TTC9: variants seen among roughly 807,000 people sequenced by gnomAD.
TTC9 encodes the protein tetratricopeptide repeat domain 9.
Under a neutral mutation model 22.9 loss-of-function variants are expected in TTC9, and 13 were observed. The observed-to-expected ratio is 0.57, with a 90% CI of 0.37 to 0.90. The LOEUF is 0.90. Among genes scored for constraint, TTC9 ranks in the 40% least tolerant of loss-of-function variants. The pLI is 0.01. For synonymous variants in TTC9, 148 were observed against 133.2 expected (o/e 1.11, Z -0.77); for missense variants, 280 against 291.8 (o/e 0.96, Z 0.29).
intron 1 of TTC9, among the ~76,000 whole-genome samples, chr14:70,655,107 A>C (rs775452069): frequency 2.0e-5 from 3 of 152,188 alleles, no homozygotes; most frequent in African/African-American, 4.8e-5. Flanking sequence ...AATTACAAAG[A>C]AGCAGCCCAG....
chr14:70,657,874 G>A (rs1176509481), intron 1 of TTC9, among the ~76,000 whole-genome samples: 2 of 152,206 alleles, frequency 1.3e-5, no homozygotes, highest in African/African-American at 2.4e-5. Flanking sequence ...GCTGAGGCAG[G>A]AGAATTGCTT....
intron 1 of TTC9, among the ~76,000 whole-genome samples, chr14:70,667,089 A>G (rs531559454): frequency 6.6e-6 from 1 of 152,296 alleles, no homozygotes; most frequent in Non-Finnish European, 1.5e-5. Context: ...AGCCTCAGGC[A>G]TTCCTTGGCT....
At chr14:70,664,774 T>C (rs143053443) in intron 1 of TTC9, among the ~76,000 whole-genome samples, 6 of 148,978 alleles carry the variant, frequency 4.0e-5, no homozygotes, top group Non-Finnish European at 8.9e-5. Context: ...CAACTTCTTA[T>C]CCAGATTCTA....
intron 1 of TTC9, among the ~76,000 whole-genome samples, chr14:70,649,679 C>T (rs1402589266): frequency 6.6e-6 from 1 of 152,196 alleles, no homozygotes; most frequent in African/African-American, 2.4e-5. Flanking sequence ...TTTAATCCAT[C>T]AATATTCTAC....
chr14:70,642,056 A>AC lies in TTC9; in HGVS notation c.-71dup. The AC allele has an allele frequency of 1.0e-6, 1 of 981,652 alleles. No individual in the cohort carries two copies. Among genetic ancestry groups the AC allele is most frequent in the African/African-American group, 1.8e-5 (1 of 55,466 alleles). The allele number at this position is 981,652 out of a possible 1,614,324, so 60.8% of individuals were successfully genotyped here. A position where few individuals can be genotyped will look rare whatever the true frequency, so the allele number is the denominator to read the frequency against. ...CGGGGCCGGCGCCCGCGGCTTTTAA[A>AC]CCCGGGAAGGCGCGGCGGCGGCGGC... is the stretch of plus-strand genomic sequence containing the variant. On this transcript the variant is annotated 5_prime_UTR_variant, in exon 1 of 3. Transcript: ENST00000256367.
chr14:70,652,407 T>C (rs1885998194), intron 1 of TTC9, among the ~76,000 whole-genome samples: 1 of 152,186 alleles, frequency 6.6e-6, no homozygotes, highest in Non-Finnish European at 1.5e-5. Flanking sequence ...TTGAAGCCTA[T>C]GTAAAATATT....
At chr14:70,666,110 G>A (rs1480345855) in intron 1 of TTC9, among the ~76,000 whole-genome samples, 2 of 151,996 alleles carry the variant, frequency 1.3e-5, no homozygotes, top group African/African-American at 2.4e-5. Context: ...TGGAGGCGAG[G>A]TGGCTCAGCA....
At chr14:70,645,033 A>G (rs1166193903) in intron 1 of TTC9, among the ~76,000 whole-genome samples, 1 of 151,760 alleles carries the variant, frequency 6.6e-6, no homozygotes, top group Non-Finnish European at 1.5e-5. Context: ...AATGGCATAA[A>G]CCCGGGAGGC....
intron 1 of TTC9, among the ~76,000 whole-genome samples, chr14:70,651,996 C>G (rs912295501): frequency 1.3e-5 from 2 of 151,940 alleles, no homozygotes; most frequent in African/African-American, 4.8e-5. Context: ...ACAGTTGGGA[C>G]CAGGGTTTTA....
chr14:70,642,169 C>G lies in TTC9; in HGVS notation c.40C>G (p.Pro14Ala). 3 of 1,197,980 alleles carry G rather than the reference C, an allele frequency of 2.5e-6. No individual in the cohort carries two copies. Among genetic ancestry groups the G allele is most frequent in the Non-Finnish European group, 3.1e-6 (3 of 960,176 alleles). The allele number at this position is 1,197,980 out of a possible 1,614,324, so 74.2% of individuals were successfully genotyped here. ...CTCGGCGGCCGGGGCCAAGGGGAAC[C>G]CGAGCCCGCCCGCGGCCGGAGAGGG... Reference protein sequence around the residue: ...KGSAAGAKGNPSPPAAGEGQR... With the variant: ...KGSAAGAKGNASPPAAGEGQR... The change falls in exon 1 of 3, where the codon CCG (proline) becomes GCG (alanine). Residue 14 changes from proline to alanine, a missense_variant. Transcript: ENST00000256367.
chr14:70,646,982 A>T (rs1885909839), intron 1 of TTC9, among the ~76,000 whole-genome samples: 1 of 152,196 alleles, frequency 6.6e-6, no homozygotes, highest in African/African-American at 2.4e-5. Context: ...GTCGCTAAAG[A>T]TCCTGAAAGA....
chr14:70,662,432 A>T (rs796214574), intron 1 of TTC9, among the ~76,000 whole-genome samples: 2,527 of 144,662 alleles, frequency 0.017, 32 homozygotes, highest in South Asian at 0.041. Context: ...AAAAAAAAAA[A>T]ATCCACACAG....
chr14:70,663,956 C>G lies in TTC9; in HGVS notation c.407-3608C>G, dbSNP rs4899364. Among the ~76,000 whole-genome samples, 1,283 of 152,104 alleles carry G rather than the reference C, an allele frequency of 8.4e-3. 10 individuals carry two copies. Among genetic ancestry groups the G allele is most frequent in the African/African-American group, 0.019 (783 of 41,480 alleles). ...GTGGGCTGATATCCTAATTCTACCC[C>G]CTTCCAGCTGGGTGACCTTCAGCAA... On this transcript the variant is annotated intron_variant, in intron 1 of 2. Coordinates refer to ENST00000256367, the MANE Select transcript of TTC9 (RefSeq NM_015351.2).
rs778087827 is a variant in TTC9 at position 70,667,736 on chromosome 14, A to G, written c.579A>G (p.Gln193=). Residue 193 remains glutamine (Q), a synonymous_variant, in exon 2 of 3, where the codon CAA becomes CAG. Transcript: ENST00000256367. ...ALYYLKEART[Q]QPTDTNVIRY... ...ACTACCTGAAAGAAGCAAGGACCCA[A>G]CAACCAACAGGTAAGGCGGAAATAG... The G allele has an allele frequency of 1.3e-6, 2 of 1,599,284 alleles. No homozygotes were observed. Among genetic ancestry groups the G allele is most frequent in the Non-Finnish European group, 1.7e-6 (2 of 1,170,894 alleles).
intron 1 of TTC9, among the ~76,000 whole-genome samples, chr14:70,659,427 A>T (rs1886114751): frequency 6.6e-6 from 1 of 152,220 alleles, no homozygotes; most frequent in African/African-American, 2.4e-5. Flanking sequence ...GTGTTGTTTC[A>T]GGAAGAAACC....
At chr14:70,644,496 C>G (rs1885875185) in intron 1 of TTC9, among the ~76,000 whole-genome samples, 1 of 152,168 alleles carries the variant, frequency 6.6e-6, no homozygotes, top group Admixed American at 6.5e-5. Context: ...ATCAGTTTTG[C>G]AGAGAAAAAG....
chr14:70,670,472 A>G (rs1886278041), intron 2 of TTC9, among the ~76,000 whole-genome samples: 1 of 152,140 alleles, frequency 6.6e-6, no homozygotes, highest in South Asian at 2.1e-4. Context: ...AGCCTGGCCA[A>G]TATGATGAAA....
At position 70,672,638 on chromosome 14, in the gene TTC9, T is replaced by G. The variant is rs1174319207; in HGVS notation, c.*1483T>G. The stretch of plus-strand genomic sequence containing the variant: ...GTGTGACTAGTGAAAAAGACAATGT[T>G]GTACAAAATTAAAATATATACAGAT... On this transcript the variant is annotated 3_prime_UTR_variant, in exon 3 of 3. Coordinates refer to ENST00000256367, the MANE Select transcript of TTC9 (RefSeq NM_015351.2). The G allele has an allele frequency of 1.3e-5, 2 of 152,246 alleles. No individual in the cohort carries two copies. Among genetic ancestry groups the G allele is most frequent in the African/African-American group, 2.4e-5 (1 of 41,464 alleles). 9.4% of individuals were successfully genotyped at this position (152,246 alleles called of 1,614,324 possible).
intron 1 of TTC9, among the ~76,000 whole-genome samples, chr14:70,643,358 T>C (rs1885856367): frequency 6.6e-6 from 1 of 152,156 alleles, no homozygotes; most frequent in African/African-American, 2.4e-5. Context: ...GATTTAAAAA[T>C]TGTTTAATTT....
Sources: gnomAD v4.1 joint callset for allele counts (sites outside exome capture counted in the v4.1 genomes callset) on GRCh38, gnomAD v4.1.1 for gene constraint, MANE v1.5 for transcripts, NCBI Gene and HGNC (gene_info 2026-07-23, HGNC 2026-07-21) for gene names.